Variants in LRCH2 observed in about 807,000 individuals in gnomAD.
LRCH2 encodes the protein leucine rich repeats and calponin homology domain containing 2.
Under a neutral mutation model 68.9 loss-of-function variants are expected in LRCH2, and 38 were observed. The observed-to-expected ratio is 0.55, with a 90% CI of 0.43 to 0.72. LRCH2 has a LOEUF of 0.72. LRCH2 is among the 30% of genes least tolerant of loss of function. The pLI is 0.00. For synonymous variants in LRCH2, 191 were observed against 208.1 expected, an observed-to-expected ratio of 0.92 and a Z score of 0.71; for missense variants, 528 against 572.9, an observed-to-expected ratio of 0.92 and a Z score of 0.80.
intron 20 of LRCH2, among the ~76,000 whole-genome samples, chrX:115,121,244 A>T (rs1383950837): frequency 9.0e-6 from 1 of 111,316 alleles, no homozygotes; most frequent in African/African-American, 3.3e-5. Context: ...GCAAAACGGG[A>T]AAATCTGTAT....
At chrX:115,136,485 T>A (rs1273102630) in intron 14 of LRCH2, among the ~76,000 whole-genome samples, 2 of 87,568 alleles carry the variant, frequency 2.3e-5, no homozygotes, top group East Asian at 6.0e-4. Context: ...TATTTTTACC[T>A]TTTTTTTTTG....
intron 1 of LRCH2, among the ~76,000 whole-genome samples, chrX:115,218,067 G>C (rs1219010057): frequency 9.0e-6 from 1 of 111,098 alleles, no homozygotes; most frequent in Non-Finnish European, 1.9e-5. Context: ...CTCAGTTTTT[G>C]ATGGGGTTGC....
chrX:115,120,784 A>G (rs1332459706), intron 20 of LRCH2, among the ~76,000 whole-genome samples: 23 of 106,665 alleles, frequency 2.2e-4, no homozygotes, highest in African/African-American at 4.5e-4. Flanking sequence ...ATGTCCAACA[A>G]TGATAGACTG....
At chrX:115,176,214 C>T (rs1020389435) in intron 5 of LRCH2, among the ~76,000 whole-genome samples, 56 of 112,201 alleles carry the variant, frequency 5.0e-4, no homozygotes, top group African/African-American at 1.8e-3. Flanking sequence ...TATATGGTAG[C>T]TCTACTTTTA....
intron 6 of LRCH2, among the ~76,000 whole-genome samples, chrX:115,166,685 C>T (rs1556545241): frequency 9.0e-6 from 1 of 110,723 alleles, no homozygotes; most frequent in Non-Finnish European, 1.9e-5. Context: ...CACAGAGCTT[C>T]GAAACATCTT....
intron 1 of LRCH2, among the ~76,000 whole-genome samples, chrX:115,216,104 T>G (rs1042477843): frequency 8.9e-6 from 1 of 111,885 alleles, no homozygotes; most frequent in Non-Finnish European, 1.9e-5. Flanking sequence ...GCTAAACAAA[T>G]TTTTATATCT....
intron 6 of LRCH2, among the ~76,000 whole-genome samples, chrX:115,169,471 C>T (rs1556546671): frequency 9.0e-6 from 1 of 111,592 alleles, no homozygotes. Flanking sequence ...TCTTTAAAAA[C>T]TGAATCTAAT....
At position 115,200,808 on chromosome X, in the gene LRCH2, C is replaced by CT. The variant is rs1468144763; in HGVS notation, c.350-12439dup. 3.6e-5 allele frequency among the ~76,000 whole-genome samples: 4 copies of CT among 110,813 alleles called. No individual in the cohort carries two copies. The Admixed American group carries it at 3.9e-4, about 11-fold the overall frequency. ...CTCCCTAATTCTTTCCATGAGGCCA[C>CT]TATCACCCTAATACCAAAACTGGAC... On this transcript the variant is annotated intron_variant, in intron 1 of 20. Coordinates refer to ENST00000317135, the MANE Select transcript of LRCH2 (RefSeq NM_020871.4).
intron 1 of LRCH2, among the ~76,000 whole-genome samples, chrX:115,206,868 A>G (rs9943021): frequency 0.031 from 2,524 of 81,458 alleles, 85 homozygotes; most frequent in African/African-American, 0.088. Context: ...GGTAAATACA[A>G]TAACAGTGCC....
chrX:115,127,161 A>G (rs1031433501), intron 15 of LRCH2, among the ~76,000 whole-genome samples: 10 of 111,158 alleles, frequency 9.0e-5, no homozygotes, highest in African/African-American at 3.3e-4. Context: ...AGTGGTTCGA[A>G]ATATAGTAAA....
At chrX:115,227,994 T>TA (rs1416125317) in intron 1 of LRCH2, among the ~76,000 whole-genome samples, 1 of 112,077 alleles carries the variant, frequency 8.9e-6, no homozygotes, top group Non-Finnish European at 1.9e-5. Context: ...GAATTTGATA[T>TA]AAAAAATACA....
At chrX:115,220,689 T>A (rs2073072577) in intron 1 of LRCH2, among the ~76,000 whole-genome samples, 1 of 111,285 alleles carries the variant, frequency 9.0e-6, no homozygotes, top group East Asian at 2.8e-4. Flanking sequence ...CTGGACTTCA[T>A]CTACAAACGT....
intron 3 of LRCH2, among the ~76,000 whole-genome samples, chrX:115,181,300 A>T (rs2147406586): frequency 8.9e-6 from 1 of 112,195 alleles, no homozygotes; most frequent in Admixed American, 9.5e-5. Context: ...GATTGACATG[A>T]TCTGACTTAT....
At position 115,122,511 on chromosome X, in the gene LRCH2, G is replaced by C; in HGVS notation, c.2178+16C>G. On this transcript the variant is annotated intron_variant, in intron 20 of 20. Coordinates refer to ENST00000317135, the MANE Select transcript of LRCH2 (RefSeq NM_020871.4). The stretch of plus-strand genomic sequence containing the variant: ...TCAAATTTAAGTGATCACGTTGTTA[G>C]ATAAATAACAATTACCTGTGAGACA... The C allele has an allele frequency of 8.5e-7, 1 of 1,172,693 alleles. No homozygotes were observed. Among genetic ancestry groups the C allele is most frequent in the Non-Finnish European group, 1.2e-6 (1 of 863,318 alleles).
chrX:115,200,935 T>A (rs2147343356), intron 1 of LRCH2, among the ~76,000 whole-genome samples: 1 of 111,468 alleles, frequency 9.0e-6, no homozygotes, highest in Non-Finnish European at 1.9e-5. Context: ...ATACAGGACA[T>A]CAAAAAGATA....
intron 6 of LRCH2, among the ~76,000 whole-genome samples, chrX:115,167,270 G>A (rs1266676865): frequency 1.1e-5 from 1 of 93,341 alleles, no homozygotes; most frequent in Non-Finnish European, 2.1e-5. Context: ...AGAAGTATAT[G>A]AATACATTTA....
chrX:115,137,630 G>A (rs1370535425), intron 14 of LRCH2, among the ~76,000 whole-genome samples: 1 of 111,499 alleles, frequency 9.0e-6, no homozygotes, highest in Non-Finnish European at 1.9e-5. Context: ...AAAATCTAGC[G>A]AGGGGCTATT....
In LRCH2 at chrX:115,188,122, G is replaced by A. The variant is rs182800347; in HGVS notation, c.494+104C>T. 84 of 536,618 alleles carry A rather than the reference G, an allele frequency of 1.6e-4. No individual in the cohort carries two copies. The African/African-American group carries it at 1.8e-3, about 11-fold the overall frequency. The allele number at this position is 536,618 out of a possible 1,213,427, so 44.2% of individuals were successfully genotyped here. A position where few individuals can be genotyped will look rare whatever the true frequency, so the allele number is the denominator to read the frequency against. On this transcript the variant is annotated intron_variant, in intron 2 of 20. Coordinates refer to ENST00000317135, the MANE Select transcript of LRCH2 (RefSeq NM_020871.4). ...AAAAACACAAATAAGATACTGTTGA[G>A]ATAAATTTAAGCTACACAGCCAAAT...
intron 1 of LRCH2, among the ~76,000 whole-genome samples, chrX:115,208,738 G>T (rs930641219): frequency 1.6e-4 from 18 of 111,872 alleles, no homozygotes; most frequent in Non-Finnish European, 2.8e-4. Context: ...ATCTTATTCA[G>T]TGTATAAACG....
Sources: allele counts gnomAD v4.1 joint callset (sites outside exome capture counted in the v4.1 genomes callset), GRCh38; gene constraint gnomAD v4.1.1; transcripts MANE v1.5; gene names NCBI Gene and HGNC (gene_info 2026-07-23, HGNC 2026-07-21).